CTNNBL1: variants seen among roughly 807,000 people sequenced by gnomAD.
CTNNBL1 encodes catenin beta like 1.
A neutral mutation model predicts 72.7 loss-of-function variants in CTNNBL1; 31 were observed. That is an observed-to-expected ratio of 0.43 (90% confidence interval 0.32 to 0.58). CTNNBL1 has a LOEUF of 0.58. CTNNBL1 is among the 20% of genes least tolerant of loss of function. The pLI, the probability that CTNNBL1 is intolerant of heterozygous loss-of-function variation, is 0.08. For missense variants in CTNNBL1, 534 were observed against 725.1 expected (o/e 0.74, Z 3.03); for synonymous variants, 240 against 267.3 (o/e 0.90, Z 1.00).
At chr20:37,797,857 TC>T (rs1045997253) in intron 10 of CTNNBL1, among the ~76,000 whole-genome samples, 1 of 152,216 alleles carries the variant, frequency 6.6e-6, no homozygotes, top group African/African-American at 2.4e-5. Flanking sequence ...TCCCTAAATG[TC>T]CCATGCTTAA....
rs1335688205 is a variant in CTNNBL1 at position 37,694,114 on chromosome 20, C to T, written c.-9C>T. 4 of 1,603,714 alleles carry T rather than the reference C, an allele frequency of 2.5e-6. No individual in the cohort carries two copies. Among genetic ancestry groups the T allele is most frequent in the Middle Eastern group, 1.7e-4 (1 of 6,058 alleles). ...GCAGGGAAGTGGAGTATTTGCTGGG[C>T]CGGGTACCATGGACGTGGGCGAACT... On this transcript the variant is annotated 5_prime_UTR_variant, in exon 1 of 16. Coordinates refer to ENST00000361383, the MANE Select transcript of CTNNBL1 (RefSeq NM_030877.5).
intron 10 of CTNNBL1, among the ~76,000 whole-genome samples, chr20:37,784,091 G>A (rs758166482): frequency 3.9e-5 from 6 of 152,078 alleles, no homozygotes; most frequent in Admixed American, 6.6e-5. Flanking sequence ...TCCCTTTACC[G>A]TTATGTAATG....
At chr20:37,702,531 G>A (rs1049103962) in intron 1 of CTNNBL1, among the ~76,000 whole-genome samples, 4 of 152,140 alleles carry the variant, frequency 2.6e-5, no homozygotes, top group Non-Finnish European at 4.4e-5. Flanking sequence ...CTTTTTGCAT[G>A]TCAGTTTAGT....
intron 1 of CTNNBL1, among the ~76,000 whole-genome samples, chr20:37,730,495 G>A (rs1345278151): frequency 6.6e-6 from 1 of 152,170 alleles, no homozygotes; most frequent in Non-Finnish European, 1.5e-5. Context: ...GGAAACTAAG[G>A]TTTAGAGAGG....
chr20:37,756,273 A>C (rs1235572279), intron 4 of CTNNBL1: 1 of 152,282 alleles, frequency 6.6e-6, no homozygotes, highest in African/African-American at 2.4e-5. Context: ...TAGATTATCT[A>C]TCTTTCTCAT....
intron 5 of CTNNBL1, among the ~76,000 whole-genome samples, chr20:37,763,686 CTTCT>C (rs1245433639): frequency 6.6e-6 from 1 of 152,126 alleles, no homozygotes; most frequent in Non-Finnish European, 1.5e-5. Flanking sequence ...AGATCGTTTC[CTTCT>C]TTTTTCTCCC....
chr20:37,766,967 A>G (rs1031383600), intron 6 of CTNNBL1, among the ~76,000 whole-genome samples: 9 of 152,208 alleles, frequency 5.9e-5, no homozygotes, highest in African/African-American at 2.2e-4. Flanking sequence ...TTCATCTCTC[A>G]GGGTTTCCTT....
At chr20:37,746,441 C>G (rs754360135) in intron 3 of CTNNBL1, 27 bp from the exon 4 acceptor site, 3 of 1,605,464 alleles carry the variant, frequency 1.9e-6, no homozygotes, top group Non-Finnish European at 8.5e-7. Flanking sequence ...CCCTTTCCTT[C>G]TAATGATGTC....
chr20:37,777,320 TC>T, intron 7 of CTNNBL1, 24 bp from the exon 8 acceptor site: 1 of 1,600,316 alleles, frequency 6.2e-7, no homozygotes, highest in Non-Finnish European at 8.6e-7. Flanking sequence ...TTAACATTTT[TC>T]TCATTTCTCC....
chr20:37,864,508 A>C (rs4811239), intron 15 of CTNNBL1, among the ~76,000 whole-genome samples: 2 of 151,946 alleles, frequency 1.3e-5, no homozygotes, highest in Non-Finnish European at 2.9e-5. Context: ...TCCCTCCTCT[A>C]TTGGGGGTGC....
intron 7 of CTNNBL1, among the ~76,000 whole-genome samples, chr20:37,777,102 C>T (rs1191573562): frequency 6.6e-6 from 1 of 152,160 alleles, no homozygotes; most frequent in African/African-American, 2.4e-5. Flanking sequence ...TCTTGGAAGT[C>T]TTCACCGAGG....
chr20:37,870,293 A>G (rs1233402354), intron 15 of CTNNBL1, among the ~76,000 whole-genome samples: 1 of 151,772 alleles, frequency 6.6e-6, no homozygotes, highest in Non-Finnish European at 1.5e-5. Context: ...GGGGTCTTCC[A>G]TGCTCCAGTA....
chr20:37,830,941 G>T (rs1462733745), intron 11 of CTNNBL1, among the ~76,000 whole-genome samples: 1 of 152,096 alleles, frequency 6.6e-6, no homozygotes, highest in South Asian at 2.1e-4. Context: ...TTGCACCATC[G>T]TAAAGACAAA....
chr20:37,733,653 T>A (rs897499522), intron 2 of CTNNBL1, among the ~76,000 whole-genome samples: 3 of 152,208 alleles, frequency 2.0e-5, no homozygotes, highest in Admixed American at 6.5e-5. Context: ...ATGACTGGTT[T>A]CTTCACATTC....
intron 1 of CTNNBL1, among the ~76,000 whole-genome samples, chr20:37,719,792 C>T (rs2073024087): frequency 6.6e-6 from 1 of 151,574 alleles, no homozygotes; most frequent in African/African-American, 2.4e-5. Flanking sequence ...TGCATTTGTT[C>T]ATGGCTGACA....
chr20:37,735,889 A>G (rs1259286120), intron 2 of CTNNBL1, among the ~76,000 whole-genome samples: 2 of 152,206 alleles, frequency 1.3e-5, no homozygotes, highest in Non-Finnish European at 2.9e-5. Flanking sequence ...AGTTATGGTC[A>G]ATGACTACAA....
chr20:37,787,649 C>G (rs1035834417), intron 10 of CTNNBL1, among the ~76,000 whole-genome samples: 1 of 152,044 alleles, frequency 6.6e-6, no homozygotes, highest in Admixed American at 6.5e-5. Context: ...CGGCCCATAA[C>G]TGTGTTTTTT....
At chr20:37,728,639 A>G (rs2122590883) in intron 1 of CTNNBL1, among the ~76,000 whole-genome samples, 1 of 152,342 alleles carries the variant, frequency 6.6e-6, no homozygotes, top group South Asian at 2.1e-4. Flanking sequence ...TTAAGAAGAG[A>G]AATGAAGAGA....
intron 15 of CTNNBL1, among the ~76,000 whole-genome samples, chr20:37,864,583 G>A (rs1330923676): frequency 6.6e-6 from 1 of 152,166 alleles, no homozygotes; most frequent in Non-Finnish European, 1.5e-5. Context: ...CTTACTCAGT[G>A]CTCCCGACGT....
Sources: gnomAD v4.1 joint callset for allele counts (sites outside exome capture counted in the v4.1 genomes callset) on GRCh38, gnomAD v4.1.1 for gene constraint, MANE v1.5 for transcripts, NCBI Gene and HGNC (gene_info 2026-07-23, HGNC 2026-07-21) for gene names.